The following COG5 variants were observed in gnomAD, a reference collection of about 807,000 sequenced individuals.
COG5 encodes the protein conserved oligomeric Golgi complex subunit 5.
COG5 carries 86 observed loss-of-function variants against 110.4 expected under a neutral mutation model. That is an observed-to-expected ratio of 0.78 (90% CI 0.65 to 0.93). The LOEUF is 0.93. Ranked by LOEUF, COG5 falls within the 40% of genes least tolerant of loss-of-function variation. The pLI, the probability that COG5 is intolerant of heterozygous loss-of-function variation, is 0.00. For synonymous variants in COG5, 360 were observed against 334.6 expected, an observed-to-expected ratio of 1.08 and a Z score of -0.83; for missense variants, 1,077 against 987.0, an observed-to-expected ratio of 1.09 and a Z score of -1.22.
intron 6 of COG5, among the ~76,000 whole-genome samples, chr7:107,508,542 C>A (rs556164538): frequency 3.2e-4 from 49 of 152,296 alleles, no homozygotes; most frequent in African/African-American, 1.2e-3. Context: ...GTGGTTCTTC[C>A]ACTACGCAGC....
chr7:107,509,662 C>T (rs1799339629), intron 6 of COG5, among the ~76,000 whole-genome samples: 1 of 152,144 alleles, frequency 6.6e-6, no homozygotes, highest in African/African-American at 2.4e-5. Context: ...GGTCGGGTTA[C>T]CCACAAAGGG....
intron 11 of COG5, among the ~76,000 whole-genome samples, chr7:107,310,325 G>T (rs1253816772): frequency 1.3e-5 from 2 of 152,192 alleles, no homozygotes; most frequent in Non-Finnish European, 2.9e-5. Flanking sequence ...GGAATAAAAA[G>T]CTCATAAACT....
At chr7:107,276,627 T>C (rs545477423) in intron 14 of COG5, among the ~76,000 whole-genome samples, 13 of 152,326 alleles carry the variant, frequency 8.5e-5, no homozygotes, top group South Asian at 8.3e-4. Flanking sequence ...TACTTCAGGC[T>C]GGCCAACAGA....
intron 5 of COG5, among the ~76,000 whole-genome samples, chr7:107,528,525 T>C (rs1463183726): frequency 6.6e-6 from 1 of 152,220 alleles, no homozygotes; most frequent in Non-Finnish European, 1.5e-5. Flanking sequence ...TAAAGGTTCA[T>C]GTATTTTAGG....
rs771377312 is a variant in COG5, at chr7:107,298,292, A to C, written c.1163T>G (p.Leu388Arg). The C allele has an allele frequency of 6.2e-7, 1 of 1,613,756 alleles. No individual in the cohort carries two copies. Among genetic ancestry groups the C allele is most frequent in the South Asian group, 1.1e-5 (1 of 91,074 alleles). ...FEGEYPKLLR[L>R]YNDLWKRLQQ... is the part of the protein sequence containing the mutation. ...AAGACGCTTCCATAAGTCATTATAA[A>C]GACGTAATAATTTAGGGTATTCTCC... Residue 388 changes from leucine to arginine, a missense_variant, in exon 12 of 22, where the codon CTT (leucine) becomes CGT (arginine). By Grantham distance (102) the Leu-to-Arg change is moderately radical. Transcript: ENST00000297135.
intron 11 of COG5, among the ~76,000 whole-genome samples, chr7:107,316,857 T>C (rs1808811966): frequency 6.6e-6 from 1 of 151,616 alleles, no homozygotes; most frequent in Admixed American, 6.6e-5. Context: ...GAAAAGCAGA[T>C]AATCACTGAC....
At chr7:107,231,696 C>T (rs973932103) in intron 18 of COG5, among the ~76,000 whole-genome samples, 2 of 152,110 alleles carry the variant, frequency 1.3e-5, no homozygotes, top group Non-Finnish European at 2.9e-5. Context: ...AATCTCCTTG[C>T]CATGGGTACA....
intron 11 of COG5, among the ~76,000 whole-genome samples, chr7:107,321,216 G>A (rs142970662): frequency 0.01 from 1,548 of 152,068 alleles, 12 homozygotes; most frequent in Non-Finnish European, 0.016. Context: ...ATAACATATA[G>A]AATAGCATCA....
chr7:107,283,656 C>G lies in COG5; in HGVS notation c.1390G>C (p.Asp464His). The change falls in exon 13 of 22, where the codon GAT becomes CAT. Residue 464 changes from aspartate (D) to histidine (H), a missense_variant. Asp to His is a moderately conservative substitution (Grantham distance 81, BLOSUM62 -1). Transcript: ENST00000297135. ...GGGGGAAAAACCAAGTTGATAGGATCGAAGAGTCGAGATAAGGATTTTGAT... is the reference window on the plus strand; with the variant it reads ...GGGGGAAAAACCAAGTTGATAGGATGGAAGAGTCGAGATAAGGATTTTGAT... The part of the protein sequence containing the change: ...YLSKSLSRLF[D>H]PINLVFPPGG... 6.2e-7 allele frequency: 1 copy of G among 1,613,642 alleles called. No individual in the cohort carries two copies. Among genetic ancestry groups the G allele is most frequent in the Non-Finnish European group, 8.5e-7 (1 of 1,179,728 alleles).
intron 19 of COG5, among the ~76,000 whole-genome samples, chr7:107,213,636 C>T (rs2116227239): frequency 6.6e-6 from 1 of 152,352 alleles, no homozygotes; most frequent in East Asian, 1.9e-4. Context: ...GAAGCTCAGC[C>T]AGCAGCCGCA....
chr7:107,356,737 C>T (rs1401612257), intron 10 of COG5, among the ~76,000 whole-genome samples: 1 of 151,936 alleles, frequency 6.6e-6, no homozygotes, highest in East Asian at 1.9e-4. Context: ...TTATAGGAAG[C>T]ATATGATGTA....
chr7:107,247,791 C>T (rs1361597426), intron 17 of COG5, among the ~76,000 whole-genome samples: 2 of 152,106 alleles, frequency 1.3e-5, no homozygotes, highest in African/African-American at 4.8e-5. Context: ...GAGCAAGACA[C>T]ATATGAAACA....
chr7:107,388,334 T>TA (rs1790357220), intron 7 of COG5, among the ~76,000 whole-genome samples: 1 of 152,220 alleles, frequency 6.6e-6, no homozygotes, highest in Admixed American at 6.5e-5. Context: ...ATCAACCCGG[T>TA]ATGTCATTAA....
At chr7:107,324,871 C>G (rs527306547) in intron 10 of COG5, among the ~76,000 whole-genome samples, 1 of 152,018 alleles carries the variant, frequency 6.6e-6, no homozygotes, top group Admixed American at 6.6e-5. Context: ...TGGGACAATG[C>G]CTGAAATACA....
intron 21 of COG5, among the ~76,000 whole-genome samples, chr7:107,204,647 T>C (rs1332012801): frequency 6.6e-6 from 1 of 152,206 alleles, no homozygotes; most frequent in Admixed American, 6.5e-5. Context: ...ACTAATCTAA[T>C]TGGGTTTGTT....
Position 107,443,510 on chromosome 7 carries a change from A to G in COG5, c.539-30878T>C, listed in dbSNP as rs532258307. Among the ~76,000 whole-genome samples the G allele has an allele frequency of 2.0e-5, 3 of 151,694 alleles. No individual in the cohort carries two copies. In the South Asian group the frequency reaches 6.2e-4, roughly 31 times the overall value. On this transcript the variant is annotated intron_variant, in intron 6 of 21. Transcript: ENST00000297135. ...GCACAAGTTATAATGGGTGAATTACATGATATGTTAATTATATCTTAATAA... is the reference window on the plus strand; with the variant it reads ...GCACAAGTTATAATGGGTGAATTACGTGATATGTTAATTATATCTTAATAA...
At chr7:107,471,690 T>C (rs1796642429) in intron 6 of COG5, 1 of 151,964 alleles carries the variant, frequency 6.6e-6, no homozygotes, top group Admixed American at 6.6e-5. Flanking sequence ...CTGGAAGACA[T>C]AATGAAACAT....
At chr7:107,559,233 G>C (rs561308284) in intron 1 of COG5, among the ~76,000 whole-genome samples, 4 of 152,092 alleles carry the variant, frequency 2.6e-5, no homozygotes, top group Non-Finnish European at 5.9e-5. Flanking sequence ...AGTAATACCA[G>C]ATGTTAAAAA....
At chr7:107,500,744 C>T (rs780162882) in intron 6 of COG5, among the ~76,000 whole-genome samples, 3 of 152,078 alleles carry the variant, frequency 2.0e-5, no homozygotes, top group Non-Finnish European at 2.9e-5. Context: ...AAAGATTCAT[C>T]AAATCACATT....
Sources: allele counts gnomAD v4.1 joint callset (sites outside exome capture counted in the v4.1 genomes callset), GRCh38; gene constraint gnomAD v4.1.1; transcripts MANE v1.5; gene names NCBI Gene and HGNC (gene_info 2026-07-23, HGNC 2026-07-21).